TNR: variants seen among roughly 807,000 people sequenced by gnomAD.
TNR encodes the protein tenascin-R.
Under a neutral mutation model 150.4 loss-of-function variants are expected in TNR, and 45 were observed. The observed-to-expected ratio is 0.30, with a 90% CI of 0.24 to 0.38. The LOEUF is 0.38. Among genes scored for constraint, TNR ranks in the 10% least tolerant of loss-of-function variants. TNR has a pLI of 1.00. For synonymous variants in TNR, 687 were observed against 678.4 expected (o/e 1.01, Z -0.20); for missense variants, 1,544 against 1,759.1 (o/e 0.88, Z 2.19).
intron 18 of TNR, among the ~76,000 whole-genome samples, chr1:175,343,819 G>A (rs1650642459): frequency 6.6e-6 from 1 of 152,150 alleles, no homozygotes; most frequent in African/African-American, 2.4e-5. Context: ...ATTTAAAATA[G>A]GCCAGAGCAA....
At chr1:175,684,541 T>C (rs555556960) in intron 1 of TNR, among the ~76,000 whole-genome samples, 1 of 152,312 alleles carries the variant, frequency 6.6e-6, no homozygotes, top group Non-Finnish European at 1.5e-5. Context: ...CTGAACAACG[T>C]TACACAGGTG....
chr1:175,716,769 G>T (rs1667163939), intron 1 of TNR, among the ~76,000 whole-genome samples: 1 of 152,172 alleles, frequency 6.6e-6, no homozygotes, highest in African/African-American at 2.4e-5. Context: ...AGCCTGCTCA[G>T]GTGACTCTAA....
At chr1:175,474,223 A>G (rs900428732) in intron 2 of TNR, among the ~76,000 whole-genome samples, 1 of 152,280 alleles carries the variant, frequency 6.6e-6, no homozygotes, top group Non-Finnish European at 1.5e-5. Flanking sequence ...TTGAAGTCCT[A>G]ACTCTCAGAA....
chr1:175,454,575 G>A lies in TNR; in HGVS notation c.-63-47798C>T, dbSNP rs547053276. ...AACCTCCCCTCTCCTGGGTTCAAGC[G>A]ATTCTCCTGCCTCAGCCTCTGGAGT... On this transcript the variant is annotated intron_variant, in intron 2 of 22. Transcript: ENST00000367674. 9.2e-5 allele frequency among the ~76,000 whole-genome samples: 14 copies of A among 151,866 alleles called. No homozygotes were observed. In the South Asian group the frequency reaches 2.5e-3, roughly 27 times the overall value.
At chr1:175,720,823 G>A in intron 1 of TNR, among the ~76,000 whole-genome samples, 1 of 152,200 alleles carries the variant, frequency 6.6e-6, no homozygotes, top group Admixed American at 6.5e-5. Flanking sequence ...CAAGGTTTTA[G>A]AAAACTATAT....
chr1:175,462,799 C>A (rs902197286), intron 2 of TNR, among the ~76,000 whole-genome samples: 1 of 152,172 alleles, frequency 6.6e-6, no homozygotes, highest in Non-Finnish European at 1.5e-5. Flanking sequence ...CCACCACCAC[C>A]CACAGACATA....
chr1:175,613,349 C>T (rs2101857212), intron 1 of TNR, among the ~76,000 whole-genome samples: 1 of 152,248 alleles, frequency 6.6e-6, no homozygotes, highest in East Asian at 1.9e-4. Flanking sequence ...ATTTTGTGAG[C>T]CAGTCAACAT....
chr1:175,385,491 C>T (rs1652874668), intron 8 of TNR, among the ~76,000 whole-genome samples: 2 of 152,172 alleles, frequency 1.3e-5, no homozygotes, highest in Admixed American at 1.3e-4. Context: ...ACTGCTAGTG[C>T]TTACAAACGG....
At chr1:175,674,123 C>T (rs484813) in intron 1 of TNR, among the ~76,000 whole-genome samples, 83,373 of 151,914 alleles carry the variant, frequency 0.55, 24,205 homozygotes, top group African/African-American at 0.74. Flanking sequence ...AAACCAGGTG[C>T]CCATTAAACA....
chr1:175,480,005 G>A (rs1657713455), intron 2 of TNR, among the ~76,000 whole-genome samples: 1 of 152,092 alleles, frequency 6.6e-6, no homozygotes, highest in South Asian at 2.1e-4. Flanking sequence ...GGTGATACCA[G>A]CCAAGTAGGA....
chr1:175,679,888 G>A (rs1665977960), intron 1 of TNR, among the ~76,000 whole-genome samples: 1 of 152,196 alleles, frequency 6.6e-6, no homozygotes, highest in Non-Finnish European at 1.5e-5. Context: ...GTGCCAGTGA[G>A]ATAATTCATG....
At chr1:175,351,398 T>G (rs1651043827) in intron 18 of TNR, among the ~76,000 whole-genome samples, 1 of 152,178 alleles carries the variant, frequency 6.6e-6, no homozygotes, top group African/African-American at 2.4e-5. Flanking sequence ...AAATTTGCAT[T>G]GAGGTGGCTG....
intron 20 of TNR, among the ~76,000 whole-genome samples, chr1:175,333,143 T>C (rs570155110): frequency 6.6e-6 from 1 of 152,328 alleles, no homozygotes; most frequent in Non-Finnish European, 1.5e-5. Flanking sequence ...TAACTCTCAT[T>C]TAGTACTATT....
At chr1:175,598,603 T>G (rs1320767972) in intron 1 of TNR, among the ~76,000 whole-genome samples, 3 of 152,244 alleles carry the variant, frequency 2.0e-5, no homozygotes, top group Non-Finnish European at 2.9e-5. Context: ...GCATGGTGAC[T>G]GTGAGAATCC....
chr1:175,504,198 C>G (rs547507870), intron 2 of TNR, among the ~76,000 whole-genome samples: 26 of 152,184 alleles, frequency 1.7e-4, no homozygotes, highest in Middle Eastern at 3.4e-3. Flanking sequence ...TTCATATTAC[C>G]GTGATTCCAG....
At position 175,557,609 on chromosome 1, in the gene TNR, A is replaced by T. The variant is rs1661222483; in HGVS notation, c.-164-29240T>A. On this transcript the variant is annotated intron_variant, in intron 1 of 22. Transcript: ENST00000367674. Reference sequence around the variant, plus strand: ...ACCAGTTAGAATGGCAATCATTAAAAAGTCAGGAAACAACAGGTGCTGGAG... The same window carrying T: ...ACCAGTTAGAATGGCAATCATTAAATAGTCAGGAAACAACAGGTGCTGGAG... Among the ~76,000 whole-genome samples, 3 of 151,924 alleles carry T rather than the reference A, an allele frequency of 2.0e-5. No individual in the cohort carries two copies. The South Asian group carries it at 6.2e-4, about 32-fold the overall frequency.
At chr1:175,436,783 A>G (rs1317552291) in intron 2 of TNR, among the ~76,000 whole-genome samples, 1 of 152,250 alleles carries the variant, frequency 6.6e-6, no homozygotes, top group African/African-American at 2.4e-5. Flanking sequence ...AAAAGAGACA[A>G]AGAAGGCCAT....
At chr1:175,671,498 ATG>A (rs1665695524) in intron 1 of TNR, among the ~76,000 whole-genome samples, 1 of 152,156 alleles carries the variant, frequency 6.6e-6, no homozygotes, top group Non-Finnish European at 1.5e-5. Flanking sequence ...GGGCCCCTGA[ATG>A]GGTATGGTGA....
intron 1 of TNR, among the ~76,000 whole-genome samples, chr1:175,567,935 T>C (rs1241186376): frequency 6.6e-6 from 1 of 152,234 alleles, no homozygotes; most frequent in Non-Finnish European, 1.5e-5. Flanking sequence ...GAAAATGCAG[T>C]CTGGCCATTT....
Sources: gnomAD v4.1 joint callset for allele counts (sites outside exome capture counted in the v4.1 genomes callset) on GRCh38, gnomAD v4.1.1 for gene constraint, MANE v1.5 for transcripts, NCBI Gene and HGNC (gene_info 2026-07-23, HGNC 2026-07-21) for gene names.